IL12RB1: variants seen among roughly 807,000 people sequenced by gnomAD.
The protein encoded by IL12RB1 is interleukin 12 receptor subunit beta 1.
A neutral mutation model predicts 94.4 loss-of-function variants in IL12RB1; 64 were observed. The ratio of observed to expected loss-of-function variants is 0.68; its 90% CI spans 0.55 to 0.83. The LOEUF (loss-of-function observed/expected upper bound fraction) is 0.83. Among genes scored for constraint, IL12RB1 ranks in the 40% least tolerant of loss-of-function variants. The probability of loss-of-function intolerance (pLI) is 0.00; values close to 1 mark genes in which losing one functional copy is unlikely to be tolerated. For missense variants in IL12RB1, 814 were observed against 855.6 expected (o/e 0.95, Z 0.61); for synonymous variants, 362 against 355.5 (o/e 1.02, Z -0.21).
Position 18,084,433 on chromosome 19 carries a change from ACCATCCACCCATTCAC to A in IL12RB1, c.65-958_65-943del, listed in dbSNP as rs576666676. On this transcript the variant is annotated intron_variant, in intron 1 of 16. Transcript: ENST00000593993. ...ATCCATCCATCCATCCATCCATCCC[ACCATCCACCCATTCAC>A]CCATCCATCCATGTATTCATTAGTC... Among the ~76,000 whole-genome samples the A allele has an allele frequency of 6.4e-3, 736 of 114,490 alleles. 2 individuals are homozygous for A. The highest frequency in any genetic ancestry group is 0.014 in the Middle Eastern group (2 of 142). 75.1% of individuals were successfully genotyped at this position (114,490 alleles called of 152,430 possible).
chr19:18,080,551 G>A (rs916935703), intron 4 of IL12RB1, among the ~76,000 whole-genome samples: 3 of 152,042 alleles, frequency 2.0e-5, no homozygotes, highest in Non-Finnish European at 4.4e-5. Context: ...ACATGATGTC[G>A]AGTCATGAGA....
intron 2 of IL12RB1, 113 bp from the exon 3 acceptor site, chr19:18,082,377 C>T: frequency 1.4e-6 from 1 of 717,868 alleles, no homozygotes. Context: ...CCTAAACCCT[C>T]CCCGCGTCCT....
chr19:18,063,067 CTTCTTCTTCTATT>C (rs2034271277), intron 13 of IL12RB1, among the ~76,000 whole-genome samples: 2 of 105,796 alleles, frequency 1.9e-5, no homozygotes, highest in African/African-American at 9.2e-5. Flanking sequence ...TCTTCTCCTT[CTTCTTCTTCTATT>C]TTTTTTTTTT....
chr19:18,080,704 AC>A, intron 4 of IL12RB1, 127 bp downstream of exon 4: 1 of 767,414 alleles, frequency 1.3e-6, no homozygotes, highest in Non-Finnish European at 2.4e-6. Context: ...GCGTGACACT[AC>A]GTGAAGTGAC....
At chr19:18,077,808 TC>T (rs1246944683) in intron 4 of IL12RB1, among the ~76,000 whole-genome samples, 153 bp from the exon 5 acceptor site, 1 of 152,164 alleles carries the variant, frequency 6.6e-6, no homozygotes, top group Non-Finnish European at 1.5e-5. Context: ...TATATTATGA[TC>T]AAAAAGTCAA....
In IL12RB1 at chr19:18,072,771, C is replaced by A. The variant is rs574999620; in HGVS notation, c.784-422G>T. On this transcript the variant is annotated intron_variant, in intron 8 of 16. Coordinates refer to ENST00000593993, the MANE Select transcript of IL12RB1 (RefSeq NM_005535.3). ...GACCATCCTGGCTAACACGGTGAAA[C>A]CCCGTCTCTACTAAAAATACAAAAA... Among the ~76,000 whole-genome samples the A allele has an allele frequency of 1.6e-3, 239 of 151,886 alleles. 6 individuals are homozygous for A. The South Asian group carries it at 0.031, about 19-fold the overall frequency.
chr19:18,085,440 C>T (rs754319316), intron 1 of IL12RB1, among the ~76,000 whole-genome samples: 5 of 150,630 alleles, frequency 3.3e-5, no homozygotes, highest in Admixed American at 6.7e-5. Context: ...GGCTGCCTCT[C>T]GCCCCCTCCC....
In IL12RB1 at chr19:18,059,897, G is replaced by T; in HGVS notation, c.1980C>A (p.Ala660=). 6.4e-7 allele frequency: 1 copy of T among 1,567,110 alleles called. No homozygotes were observed. Among genetic ancestry groups the T allele is most frequent in the Non-Finnish European group, 8.7e-7 (1 of 1,153,182 alleles). ...CTGGCCCACTGGGCCCCAGGACCTT[G>T]GCCTTGCACCTGTCTCCATCCTCCA... ...LSLEDGDRCK[A]KM The change falls in exon 16 of 17, where the codon GCC becomes GCA. Residue 660 remains alanine (A), a synonymous_variant. Coordinates refer to ENST00000593993, the MANE Select transcript of IL12RB1 (RefSeq NM_005535.3).
intron 2 of IL12RB1, chr19:18,082,991 G>A: frequency 3.6e-6 from 1 of 275,254 alleles, no homozygotes; most frequent in Non-Finnish European, 7.2e-6. Flanking sequence ...GCTGAGGCTG[G>A]AGAATAGCTT....
Position 18,077,484 on chromosome 19 carries a change from G to A in IL12RB1, c.549+32C>T, listed in dbSNP as rs371683079. On this transcript the variant is annotated intron_variant, in intron 5 of 16. Coordinates refer to ENST00000593993, the MANE Select transcript of IL12RB1 (RefSeq NM_005535.3). ...GGGTGAAGGTGCCCTGGAGAGGCCC[G>A]TGTCCACCCTGGACTTGGGAAACAA... The A allele has an allele frequency of 6.5e-5, 102 of 1,572,870 alleles. 2 individuals carry two copies. The South Asian group carries it at 9.9e-4, about 15-fold the overall frequency.
At chr19:18,079,983 C>T (rs1311916424) in intron 4 of IL12RB1, among the ~76,000 whole-genome samples, 2 of 152,180 alleles carry the variant, frequency 1.3e-5, no homozygotes, top group African/African-American at 2.4e-5. Flanking sequence ...CTTCACTCAG[C>T]GTAATGTCCT....
At chr19:18,079,100 T>TA (rs1298627974) in intron 4 of IL12RB1, among the ~76,000 whole-genome samples, 10 of 146,406 alleles carry the variant, frequency 6.8e-5, no homozygotes, top group South Asian at 2.2e-4. Flanking sequence ...TGAGAACACT[T>TA]AAAATTTTTT....
chr19:18,091,827 A>C (rs778543230), upstream of IL12RB1, among the ~76,000 whole-genome samples: 1 of 149,216 alleles, frequency 6.7e-6, no homozygotes, highest in Non-Finnish European at 1.5e-5. Flanking sequence ...CCTCTGATAT[A>C]GCTGAGACAC....
At position 18,072,130 on chromosome 19, in the gene IL12RB1, G is replaced by C. The variant is rs1433885521; in HGVS notation, c.1003C>G (p.Pro335Ala). Reference sequence around the variant, plus strand: ...GAGGCACCTGTGTGGGTGTCGGCAGGAATGTGCCACGTCTGGTTCAGGCCA... The same window carrying C: ...GAGGCACCTGTGTGGGTGTCGGCAGCAATGTGCCACGTCTGGTTCAGGCCA... ...GPGLNQTWHI[P>A]ADTHTEPVAL... The change falls in exon 9 of 17, where the codon CCT (proline) becomes GCT (alanine). Residue 335 changes from proline (P) to alanine (A), a missense_variant. By Grantham distance (27) the Pro-to-Ala change is conservative (BLOSUM62 -1). Coordinates refer to ENST00000593993, the MANE Select transcript of IL12RB1 (RefSeq NM_005535.3). 1 of 1,613,206 alleles carries C rather than the reference G, an allele frequency of 6.2e-7. No individual in the cohort carries two copies. The highest frequency in any genetic ancestry group is 1.3e-5 in the African/African-American group (1 of 74,912).
At chr19:18,064,627 C>G (rs1458981787) in intron 12 of IL12RB1, among the ~76,000 whole-genome samples, 3 of 152,082 alleles carry the variant, frequency 2.0e-5, no homozygotes, top group Non-Finnish European at 4.4e-5. Flanking sequence ...CGCCCACCAC[C>G]ATAGCCAGCT....
chr19:18,072,710 G>A (rs776885008), intron 8 of IL12RB1, among the ~76,000 whole-genome samples: 2 of 152,078 alleles, frequency 1.3e-5, no homozygotes, highest in Non-Finnish European at 2.9e-5. Flanking sequence ...CACTTTGGGA[G>A]GCCGAGACGG....
chr19:18,076,516 G>A (rs998793578), intron 5 of IL12RB1, among the ~76,000 whole-genome samples, 189 bp from the exon 6 acceptor site: 2 of 151,998 alleles, frequency 1.3e-5, no homozygotes, highest in African/African-American at 2.4e-5. Context: ...TGATCCTCCC[G>A]CCTCAGTCTC....
chr19:18,064,142 T>C lies in IL12RB1; in HGVS notation c.1484-132A>G, dbSNP rs530937074. The C allele has an allele frequency of 1.8e-3, 931 of 531,156 alleles. 2 individuals carry two copies. Among genetic ancestry groups the C allele is most frequent in the African/African-American group, 0.01 (510 of 49,610 alleles). The allele number at this position is 531,156 out of a possible 1,614,324, so 32.9% of individuals were successfully genotyped here. On this transcript the variant is annotated intron_variant, in intron 12 of 16. Transcript: ENST00000593993. ...TAAAATCTCTACTCTTTCTTTCTTT[T>C]TTTTTTTTTTTTTTTGAGACGGAGT...
chr19:18,070,884 G>T (rs147459232), intron 9 of IL12RB1: 2 of 155,200 alleles, frequency 1.3e-5, no homozygotes, highest in African/African-American at 4.8e-5. Context: ...GTTCAAGGCT[G>T]CAGTGAGCCA....
Sources: gnomAD v4.1 joint callset for allele counts (sites outside exome capture counted in the v4.1 genomes callset) on GRCh38, gnomAD v4.1.1 for gene constraint, MANE v1.5 for transcripts, NCBI Gene and HGNC (gene_info 2026-07-23, HGNC 2026-07-21) for gene names.